The following MACROD2 variants were observed in gnomAD, a reference collection of about 807,000 sequenced individuals.
The protein encoded by MACROD2 is ADP-ribose glycohydrolase MACROD2.
A neutral mutation model predicts 70.4 loss-of-function variants in MACROD2; 36 were observed. The observed-to-expected ratio is 0.51, with a 90% CI of 0.39 to 0.68. The LOEUF (loss-of-function observed/expected upper bound fraction) is 0.68. Among genes scored for constraint, MACROD2 ranks in the 30% least tolerant of loss-of-function variants. The pLI, the probability that MACROD2 is intolerant of heterozygous loss-of-function variation, is 0.00. For synonymous variants in MACROD2, 172 were observed against 178.8 expected (o/e 0.96, Z 0.30); for missense variants, 496 against 538.4 (o/e 0.92, Z 0.78).
At chr20:15,972,823 G>GA (rs949780420) in intron 13 of MACROD2, among the ~76,000 whole-genome samples, 40 of 132,166 alleles carry the variant, frequency 3.0e-4, no homozygotes, top group African/African-American at 8.7e-4. Context: ...TGTCAAAAAA[G>GA]AAAAAAAAAA....
intron 3 of MACROD2, among the ~76,000 whole-genome samples, chr20:14,098,679 T>G (rs1167882876): frequency 6.6e-6 from 1 of 152,112 alleles, no homozygotes; most frequent in Non-Finnish European, 1.5e-5. Context: ...AAAACTGAAA[T>G]GAAATAAGGC....
intron 6 of MACROD2, among the ~76,000 whole-genome samples, chr20:15,378,289 A>C (rs1420767128): frequency 6.6e-6 from 1 of 151,464 alleles, no homozygotes; most frequent in African/African-American, 2.4e-5. Flanking sequence ...AATTGAAAAA[A>C]AAAAAAAAAA....
intron 4 of MACROD2, among the ~76,000 whole-genome samples, chr20:14,604,581 A>T (rs1322631996): frequency 6.6e-6 from 1 of 152,170 alleles, no homozygotes; most frequent in Non-Finnish European, 1.5e-5. Flanking sequence ...CCTCAAAAAC[A>T]TCCGTGTGTC....
At chr20:14,252,506 T>C (rs1268832439) in intron 3 of MACROD2, among the ~76,000 whole-genome samples, 1 of 152,024 alleles carries the variant, frequency 6.6e-6, no homozygotes, top group African/African-American at 2.4e-5. Context: ...TATTCACATA[T>C]TCTATGTATT....
chr20:15,610,704 G>T (rs1008645307), intron 8 of MACROD2, among the ~76,000 whole-genome samples: 1 of 152,166 alleles, frequency 6.6e-6, no homozygotes, highest in African/African-American at 2.4e-5. Flanking sequence ...CACCCTGCCT[G>T]CAGCTCTCAG....
At chr20:16,005,353 A>C (rs2066773623) in intron 15 of MACROD2, among the ~76,000 whole-genome samples, 1 of 152,224 alleles carries the variant, frequency 6.6e-6, no homozygotes, top group Admixed American at 6.5e-5. Flanking sequence ...AAAAAGGAGA[A>C]GCTGAACAGG....
chr20:14,584,809 C>A (rs2123357783), intron 4 of MACROD2, among the ~76,000 whole-genome samples: 2 of 152,178 alleles, frequency 1.3e-5, no homozygotes, highest in Admixed American at 1.3e-4. Flanking sequence ...TCCAGTGATA[C>A]CTAGTTGATG....
At chr20:15,847,390 C>G (rs970783008) in intron 8 of MACROD2, among the ~76,000 whole-genome samples, 2 of 152,110 alleles carry the variant, frequency 1.3e-5, no homozygotes, top group African/African-American at 4.8e-5. Context: ...TGGACTCTTC[C>G]TCTCCTGCTG....
chr20:15,230,973 A>G (rs550339527), intron 6 of MACROD2, among the ~76,000 whole-genome samples: 20 of 152,130 alleles, frequency 1.3e-4, no homozygotes, highest in Non-Finnish European at 2.2e-4. Flanking sequence ...AGCAGACTGA[A>G]TAGATCAGCA....
intron 8 of MACROD2, among the ~76,000 whole-genome samples, chr20:15,659,920 C>G (rs460771): frequency 0.57 from 86,926 of 151,840 alleles, 25,327 homozygotes; most frequent in East Asian, 0.9. Flanking sequence ...CAGTTCCTGT[C>G]TGTCACTGCT....
At chr20:15,115,191 AT>A (rs568786358) in intron 5 of MACROD2, among the ~76,000 whole-genome samples, 1 of 151,992 alleles carries the variant, frequency 6.6e-6, no homozygotes, top group African/African-American at 2.4e-5. Context: ...CACCTCATAC[AT>A]TTTTTTGTCT....
At chr20:14,092,300 T>C (rs996620055) in intron 3 of MACROD2, among the ~76,000 whole-genome samples, 1 of 152,188 alleles carries the variant, frequency 6.6e-6, no homozygotes, top group Non-Finnish European at 1.5e-5. Flanking sequence ...GCCACCTGTA[T>C]GTCTTTTTGG....
chr20:14,019,025 C>G (rs145491054), intron 2 of MACROD2, among the ~76,000 whole-genome samples: 1 of 152,084 alleles, frequency 6.6e-6, no homozygotes, highest in Non-Finnish European at 1.5e-5. Flanking sequence ...GTGCAGGGAC[C>G]TTGACCCTTA....
intron 3 of MACROD2, among the ~76,000 whole-genome samples, chr20:14,211,395 TTTG>T (rs2081569688): frequency 6.6e-6 from 1 of 152,168 alleles, no homozygotes; most frequent in Admixed American, 6.5e-5. Flanking sequence ...TGACAATTTA[TTTG>T]TTGTCTTTAT....
Position 15,310,955 on chromosome 20 carries a change from A to G in MACROD2, c.540+80894A>G, listed in dbSNP as rs186171555. 2.8e-3 allele frequency among the ~76,000 whole-genome samples: 431 copies of G among 152,336 alleles called. 6 individuals carry two copies. The highest frequency in any genetic ancestry group is 3.8e-3 in the Non-Finnish European group (257 of 68,028). On this transcript the variant is annotated intron_variant, in intron 6 of 17. Coordinates refer to ENST00000684519, the MANE Select transcript of MACROD2 (RefSeq NM_001351661.2). Reference sequence around the variant, plus strand: ...TTTTAATAAAGAATGACCAATAAATAGTGGTCGGCATTGTTTCACTTTCCA... The same window carrying G: ...TTTTAATAAAGAATGACCAATAAATGGTGGTCGGCATTGTTTCACTTTCCA...
intron 5 of MACROD2, among the ~76,000 whole-genome samples, chr20:14,738,515 T>G (rs974100503): frequency 1.3e-5 from 2 of 152,122 alleles, no homozygotes; most frequent in African/African-American, 2.4e-5. Context: ...CTCATTGAAA[T>G]GTAAGTGAGG....
intron 3 of MACROD2, among the ~76,000 whole-genome samples, chr20:14,296,296 A>G (rs2122470249): frequency 6.6e-6 from 1 of 152,060 alleles, no homozygotes; most frequent in Admixed American, 6.5e-5. Context: ...CTATCCCTAG[A>G]TGTGTACCCA....
chr20:15,588,092 A>G (rs2048627398), intron 8 of MACROD2, among the ~76,000 whole-genome samples: 1 of 152,168 alleles, frequency 6.6e-6, no homozygotes, highest in Non-Finnish European at 1.5e-5. Flanking sequence ...GTTTCCATAC[A>G]TCTTCTGAAA....
chr20:15,639,059 G>A (rs568606414), intron 8 of MACROD2, among the ~76,000 whole-genome samples: 12 of 152,120 alleles, frequency 7.9e-5, no homozygotes, highest in Non-Finnish European at 1.3e-4. Context: ...CAGCAGGTTC[G>A]GGGCTTATCT....
Sources: allele counts gnomAD v4.1 joint callset (sites outside exome capture counted in the v4.1 genomes callset), GRCh38; gene constraint gnomAD v4.1.1; transcripts MANE v1.5; gene names NCBI Gene and HGNC (gene_info 2026-07-23, HGNC 2026-07-21).